CLIP2: variants seen among roughly 807,000 people sequenced by gnomAD.
The protein encoded by CLIP2 is CAP-Gly domain containing linker protein 2.
In CLIP2, 41 loss-of-function variants were observed where a neutral mutation model predicts 111.7. The observed-to-expected ratio is 0.37, with a 90% CI of 0.29 to 0.48. CLIP2 has a LOEUF of 0.48. Among genes scored for constraint, CLIP2 ranks in the 20% least tolerant of loss-of-function variants. CLIP2 has a pLI of 0.99. For synonymous variants in CLIP2, 660 were observed against 644.2 expected (o/e 1.02, Z -0.37); for missense variants, 1,160 against 1,422.1 (o/e 0.82, Z 2.96).
intron 2 of CLIP2, among the ~76,000 whole-genome samples, chr7:74,324,610 A>T (rs572048005): frequency 6.6e-6 from 1 of 151,656 alleles, no homozygotes; most frequent in African/African-American, 2.4e-5. Flanking sequence ...GACCTTGGAG[A>T]TGGTGGCAGC....
At chr7:74,303,297 C>T (rs1788388714) in intron 1 of CLIP2, among the ~76,000 whole-genome samples, 1 of 152,188 alleles carries the variant, frequency 6.6e-6, no homozygotes, top group South Asian at 2.1e-4. Context: ...GATGGATGGG[C>T]AGTGGGGTCC....
chr7:74,315,087 C>A (rs1170772358), intron 1 of CLIP2, among the ~76,000 whole-genome samples: 1 of 151,836 alleles, frequency 6.6e-6, no homozygotes, highest in African/African-American at 2.4e-5. Context: ...AGCAGTCTGG[C>A]CAACATGGCA....
chr7:74,389,009 G>A, intron 12 of CLIP2, 94 bp from the exon 13 acceptor site: 1 of 1,432,480 alleles, frequency 7.0e-7, no homozygotes, highest in Non-Finnish European at 9.4e-7. Flanking sequence ...TCCCCTGGGA[G>A]AATCAGCGCC....
At chr7:74,336,788 G>GCTAT (rs1789474281) in intron 2 of CLIP2, among the ~76,000 whole-genome samples, 1 of 151,732 alleles carries the variant, frequency 6.6e-6, no homozygotes, top group Non-Finnish European at 1.5e-5. Flanking sequence ...GATCAGATGA[G>GCTAT]CTATCGTATG....
intron 13 of CLIP2, among the ~76,000 whole-genome samples, chr7:74,389,771 T>G (rs1456162920): frequency 6.6e-6 from 1 of 151,512 alleles, no homozygotes; most frequent in Non-Finnish European, 1.5e-5. Context: ...TAGTGGTGTG[T>G]GCCTGTAGTC....
chr7:74,390,982 G>A (rs1308070814), intron 13 of CLIP2, among the ~76,000 whole-genome samples: 1 of 152,020 alleles, frequency 6.6e-6, no homozygotes, highest in Non-Finnish European at 1.5e-5. Context: ...CCGGAAGGCG[G>A]AGGTTGCAGT....
intron 11 of CLIP2, among the ~76,000 whole-genome samples, chr7:74,382,009 T>C (rs113633973): frequency 0.011 from 1,745 of 152,350 alleles, 39 homozygotes; most frequent in African/African-American, 0.039. Flanking sequence ...TTTGTGATCT[T>C]TGCCAATCTG....
intron 16 of CLIP2, among the ~76,000 whole-genome samples, chr7:74,403,337 G>A (rs961280695): frequency 1.3e-4 from 20 of 152,054 alleles, no homozygotes; most frequent in Admixed American, 5.2e-4. Flanking sequence ...TTGGGAGGCC[G>A]AGGTGGGTGG....
chr7:74,314,269 T>G (rs1384156181), intron 1 of CLIP2, among the ~76,000 whole-genome samples: 2 of 150,922 alleles, frequency 1.3e-5, no homozygotes, highest in Non-Finnish European at 2.9e-5. Context: ...GGTGGGAGGA[T>G]CACTTAAGGT....
At chr7:74,364,983 C>CT in intron 8 of CLIP2, 1 of 377,104 alleles carries the variant, frequency 2.7e-6, no homozygotes, top group Non-Finnish European at 5.3e-6. Context: ...ATGATTGCGC[C>CT]TGTTTTTTGT....
chr7:74,364,416 CG>C, intron 8 of CLIP2, 101 bp downstream of exon 8: 3 of 1,022,122 alleles, frequency 2.9e-6, no homozygotes, highest in South Asian at 1.4e-5. Context: ...TAGGCCCCCC[CG>C]GGGAAGGGGC....
chr7:74,329,031 G>A (rs1343734111), intron 2 of CLIP2, among the ~76,000 whole-genome samples: 1 of 149,440 alleles, frequency 6.7e-6, no homozygotes, highest in African/African-American at 2.5e-5. Context: ...TCCTGCCTCA[G>A]CCTCCCAAGT....
At position 74,293,800 on chromosome 7, in the gene CLIP2, A is replaced by T. The variant is rs369232849; in HGVS notation, c.-68+4066A>T. ...GTGTGGGGAGGAGAGGACAGGTGGG[A>T]TGGCCAGGGCTGCCTGCCACTGGCT... is the stretch of plus-strand genomic sequence containing the variant. On this transcript the variant is annotated intron_variant, in intron 1 of 16. Transcript: ENST00000223398. Among the ~76,000 whole-genome samples the T allele has an allele frequency of 3.4e-4, 51 of 152,230 alleles. No homozygotes were observed. The East Asian group carries it at 9.9e-3, about 29-fold the overall frequency.
intron 1 of CLIP2, among the ~76,000 whole-genome samples, chr7:74,297,718 C>A (rs1554726275): frequency 3.3e-5 from 5 of 152,130 alleles, no homozygotes; most frequent in African/African-American, 1.2e-4. Flanking sequence ...AGAGATAGCT[C>A]CAAGCAGGCT....
intron 11 of CLIP2, among the ~76,000 whole-genome samples, chr7:74,381,240 G>A (rs1790936669): frequency 6.6e-6 from 1 of 152,010 alleles, no homozygotes. Context: ...CCAGGCTGGA[G>A]TACAGTGGTG....
intron 2 of CLIP2, among the ~76,000 whole-genome samples, chr7:74,330,689 T>C (rs2116536187): frequency 6.6e-6 from 1 of 152,306 alleles, no homozygotes; most frequent in Middle Eastern, 3.4e-3. Flanking sequence ...TCATAAACAC[T>C]GTCCTACATA....
intron 1 of CLIP2, among the ~76,000 whole-genome samples, chr7:74,311,493 C>G (rs1283459755): frequency 1.3e-5 from 2 of 152,200 alleles, no homozygotes; most frequent in Non-Finnish European, 2.9e-5. Flanking sequence ...TGTTAGTCAT[C>G]TTTTCATGTG....
chr7:74,346,018 G>T (rs781318199), intron 3 of CLIP2, among the ~76,000 whole-genome samples: 5 of 152,008 alleles, frequency 3.3e-5, no homozygotes, highest in Non-Finnish European at 7.4e-5. Flanking sequence ...TTGCTGTGTT[G>T]TCCAGGCTGG....
At chr7:74,381,216 G>A (rs1330926258) in intron 11 of CLIP2, among the ~76,000 whole-genome samples, 2 of 151,984 alleles carry the variant, frequency 1.3e-5, no homozygotes, top group African/African-American at 2.4e-5. Flanking sequence ...TTTAGACGGA[G>A]TTTCGCTCTG....
Sources: allele counts gnomAD v4.1 joint callset (sites outside exome capture counted in the v4.1 genomes callset), GRCh38; gene constraint gnomAD v4.1.1; transcripts MANE v1.5; gene names NCBI Gene and HGNC (gene_info 2026-07-23, HGNC 2026-07-21).